Variants in SGCZ observed in about 807,000 individuals in gnomAD.
SGCZ encodes zeta-sarcoglycan.
In SGCZ, 40 loss-of-function variants were observed where a neutral mutation model predicts 41.3. The observed-to-expected ratio is 0.97, with a 90% CI of 0.75 to 1.26. SGCZ has a LOEUF of 1.26. SGCZ is among the 50% of genes most tolerant of loss of function. The pLI, the probability that SGCZ is intolerant of heterozygous loss-of-function variation, is 0.00. For missense variants in SGCZ, 552 were observed against 369.8 expected (o/e 1.49, Z -4.04); for synonymous variants, 206 against 137.5 (o/e 1.50, Z -3.49).
rs187700405 is a variant in SGCZ, at chr8:14,348,483, T to A, written c.235-24279A>T. 3.5e-3 allele frequency among the ~76,000 whole-genome samples: 529 copies of A among 152,236 alleles called. 2 individuals carry two copies. Among genetic ancestry groups the A allele is most frequent in the Non-Finnish European group, 4.2e-3 (289 of 68,006 alleles). ...ACTACCATTATGCAGTATATTTGAG[T>A]CATATATATTCGTTCGTCTCTAATC... is the stretch of plus-strand genomic sequence containing the variant. On this transcript the variant is annotated intron_variant, in intron 2 of 7. Coordinates refer to ENST00000382080, the MANE Select transcript of SGCZ (RefSeq NM_139167.4).
At chr8:14,946,499 G>C (rs764150128) in intron 1 of SGCZ, among the ~76,000 whole-genome samples, 25 of 151,838 alleles carry the variant, frequency 1.6e-4, no homozygotes, top group Non-Finnish European at 3.1e-4. Flanking sequence ...CTGTGTAATT[G>C]AGTTCTCCCT....
intron 3 of SGCZ, among the ~76,000 whole-genome samples, chr8:14,284,541 G>A (rs150102769): frequency 6.6e-6 from 1 of 152,034 alleles, no homozygotes; most frequent in Non-Finnish European, 1.5e-5. Context: ...TACGTAGATG[G>A]GTTTCCCTTT....
intron 1 of SGCZ, among the ~76,000 whole-genome samples, chr8:14,827,127 C>T (rs1461608858): frequency 6.7e-6 from 1 of 150,142 alleles, no homozygotes; most frequent in African/African-American, 2.5e-5. Flanking sequence ...ACCAGACCAC[C>T]TTTCAGCATG....
chr8:14,656,119 G>A (rs1442916469), intron 1 of SGCZ, among the ~76,000 whole-genome samples: 1 of 152,032 alleles, frequency 6.6e-6, no homozygotes, highest in Non-Finnish European at 1.5e-5. Context: ...AAATTCCCAG[G>A]AGTGCAATTA....
In SGCZ at chr8:14,687,247, C is replaced by T. The variant is rs543299437; in HGVS notation, c.40-132321G>A. ...TTAGGGTACATGTGCACAATGTGCACGTTAGTTACATATGTATACTTGTGC... is the reference window on the plus strand; with the variant it reads ...TTAGGGTACATGTGCACAATGTGCATGTTAGTTACATATGTATACTTGTGC... On this transcript the variant is annotated intron_variant, in intron 1 of 7. Coordinates refer to ENST00000382080, the MANE Select transcript of SGCZ (RefSeq NM_139167.4). 2.7e-3 allele frequency among the ~76,000 whole-genome samples: 407 copies of T among 149,888 alleles called. 3 individuals are homozygous for T. Among genetic ancestry groups the T allele is most frequent in the African/African-American group, 7.8e-3 (319 of 40,892 alleles).
intron 2 of SGCZ, among the ~76,000 whole-genome samples, chr8:14,513,008 T>C (rs1297902056): frequency 6.6e-6 from 1 of 152,156 alleles, no homozygotes; most frequent in African/African-American, 2.4e-5. Context: ...GCGGGAAAGC[T>C]GATAAAGTTC....
intron 2 of SGCZ, among the ~76,000 whole-genome samples, chr8:14,532,471 G>A (rs1459457888): frequency 6.6e-6 from 1 of 151,968 alleles, no homozygotes; most frequent in Non-Finnish European, 1.5e-5. Flanking sequence ...ACACTGAAAT[G>A]ACTTGGAATT....
At chr8:14,710,923 A>G (rs1324020385) in intron 1 of SGCZ, among the ~76,000 whole-genome samples, 2 of 152,244 alleles carry the variant, frequency 1.3e-5, no homozygotes, top group Non-Finnish European at 2.9e-5. Flanking sequence ...TAAGTTAGTA[A>G]ACTAAGAAAT....
chr8:14,946,193 G>A (rs1443008537), intron 1 of SGCZ, among the ~76,000 whole-genome samples: 2 of 150,394 alleles, frequency 1.3e-5, no homozygotes, highest in African/African-American at 2.4e-5. Flanking sequence ...TCACTCTCAT[G>A]GTGAGTATAT....
At chr8:15,189,593 C>T (rs1319235583) in intron 1 of SGCZ, among the ~76,000 whole-genome samples, 1 of 151,372 alleles carries the variant, frequency 6.6e-6, no homozygotes, top group Non-Finnish European at 1.5e-5. Context: ...TAGAGTCTTG[C>T]TCTATTGCCC....
intron 1 of SGCZ, among the ~76,000 whole-genome samples, chr8:14,716,956 A>G (rs1011739612): frequency 6.6e-6 from 1 of 152,088 alleles, no homozygotes; most frequent in Non-Finnish European, 1.5e-5. Context: ...TTAATAATAC[A>G]TGAGATGATT....
chr8:14,668,161 T>C (rs768140531), intron 1 of SGCZ, among the ~76,000 whole-genome samples: 6 of 152,116 alleles, frequency 3.9e-5, no homozygotes, highest in Non-Finnish European at 8.8e-5. Context: ...GGATTCACCA[T>C]GTTGGCCAGG....
chr8:14,261,837 C>G (rs1476370146), intron 3 of SGCZ, among the ~76,000 whole-genome samples: 1 of 152,058 alleles, frequency 6.6e-6, no homozygotes, highest in Non-Finnish European at 1.5e-5. Flanking sequence ...ATATTAAAAA[C>G]TAACTGGGCA....
chr8:14,236,861 G>T (rs1487821768), intron 4 of SGCZ, among the ~76,000 whole-genome samples: 1 of 151,344 alleles, frequency 6.6e-6, no homozygotes, highest in Admixed American at 6.6e-5. Context: ...CTTGTATTTT[G>T]ATATAAATCT....
rs140871580 is a variant in SGCZ at position 15,216,891 on chromosome 8, G to C, written c.39+20694C>G. On this transcript the variant is annotated intron_variant, in intron 1 of 7. Coordinates refer to ENST00000382080, the MANE Select transcript of SGCZ (RefSeq NM_139167.4). ...TCCCAGGCCACAAAAGAGTTATAGA[G>C]AGATTTTTGGGTATCGTTGCTTCTG... Among the ~76,000 whole-genome samples, 109 of 152,214 alleles carry C rather than the reference G, an allele frequency of 7.2e-4. 1 individual carries two copies. Among genetic ancestry groups the C allele is most frequent in the African/African-American group, 2.5e-3 (105 of 41,550 alleles).
chr8:15,182,410 A>G (rs758010217), intron 1 of SGCZ, among the ~76,000 whole-genome samples: 38 of 152,338 alleles, frequency 2.5e-4, no homozygotes, highest in Non-Finnish European at 4.1e-4. Context: ...CCTAGATAAT[A>G]GATCCTACTA....
intron 5 of SGCZ, among the ~76,000 whole-genome samples, chr8:14,133,111 A>AG (rs777583050): frequency 2.5e-4 from 38 of 152,314 alleles, no homozygotes; most frequent in Admixed American, 5.9e-4. Context: ...ACACTTAGCC[A>AG]GGGGACTGAG....
chr8:14,833,278 C>G (rs1452127243), intron 1 of SGCZ, among the ~76,000 whole-genome samples: 2 of 152,060 alleles, frequency 1.3e-5, no homozygotes, highest in African/African-American at 4.8e-5. Flanking sequence ...CAAGCACCTA[C>G]AGAGAGTCAT....
chr8:14,374,513 T>A (rs972182385), intron 2 of SGCZ, among the ~76,000 whole-genome samples: 8 of 152,088 alleles, frequency 5.3e-5, no homozygotes, highest in Admixed American at 4.6e-4. Flanking sequence ...CTTCTGTGAA[T>A]GAGACTAAAA....
Sources: gnomAD v4.1 joint callset for allele counts (sites outside exome capture counted in the v4.1 genomes callset) on GRCh38, gnomAD v4.1.1 for gene constraint, MANE v1.5 for transcripts, NCBI Gene and HGNC (gene_info 2026-07-23, HGNC 2026-07-21) for gene names.